The following RTN4IP1 variants were observed in gnomAD, a reference collection of about 807,000 sequenced individuals.
RTN4IP1 encodes reticulon 4 interacting protein 1.
Under a neutral mutation model 46.6 loss-of-function variants are expected in RTN4IP1, and 32 were observed. The observed-to-expected ratio is 0.69, with a 90% confidence interval of 0.52 to 0.92. The LOEUF (loss-of-function observed/expected upper bound fraction) is 0.92. Among genes scored for constraint, RTN4IP1 ranks in the 40% least tolerant of loss-of-function variants. The pLI is 0.00. For synonymous variants in RTN4IP1, 167 were observed against 161.8 expected (o/e 1.03, Z -0.24); for missense variants, 424 against 485.8 (o/e 0.87, Z 1.20).
intron 4 of RTN4IP1, among the ~76,000 whole-genome samples, chr6:106,617,510 C>T (rs1391773402): frequency 1.3e-5 from 2 of 152,092 alleles, no homozygotes; most frequent in Non-Finnish European, 2.9e-5. Flanking sequence ...ACAAAGAGAC[C>T]ATAAATATAT....
At chr6:106,614,534 A>C (rs949291446) in intron 4 of RTN4IP1, among the ~76,000 whole-genome samples, 1 of 152,184 alleles carries the variant, frequency 6.6e-6, no homozygotes, top group Non-Finnish European at 1.5e-5. Context: ...GGAAGAATAG[A>C]GTGGAATACT....
chr6:106,581,849 T>C (rs181624444), intron 8 of RTN4IP1, among the ~76,000 whole-genome samples: 124 of 152,328 alleles, frequency 8.1e-4, no homozygotes, highest in Middle Eastern at 6.8e-3. Flanking sequence ...GTGGACAGCC[T>C]GGAGCAGATA....
At position 106,626,833 on chromosome 6, in the gene RTN4IP1, T is replaced by A. The variant is rs949028174; in HGVS notation, c.274+1915A>T. On this transcript the variant is annotated intron_variant, in intron 1 of 8. Transcript: ENST00000369063. ...CTAAATCTGTCATCAGTTTAAAGACTTTAATCCCATCTAAAGACACCAAAC... is the reference window on the plus strand; with the variant it reads ...CTAAATCTGTCATCAGTTTAAAGACATTAATCCCATCTAAAGACACCAAAC... 5.9e-5 allele frequency among the ~76,000 whole-genome samples: 9 copies of A among 152,340 alleles called. No homozygotes were observed. In the East Asian group the frequency reaches 1.7e-3, roughly 29 times the overall value.
At chr6:106,606,415 G>T (rs1776075812) in intron 4 of RTN4IP1, among the ~76,000 whole-genome samples, 1 of 151,942 alleles carries the variant, frequency 6.6e-6, no homozygotes, top group South Asian at 2.1e-4. Flanking sequence ...GCAACACTCT[G>T]TCTCCAAAAA....
intron 1 of RTN4IP1, among the ~76,000 whole-genome samples, chr6:106,626,375 T>C (rs1776645864): frequency 6.6e-6 from 1 of 152,212 alleles, no homozygotes; most frequent in South Asian, 2.1e-4. Flanking sequence ...TCACTTGTAA[T>C]ATTCACAAAA....
At chr6:106,604,035 C>T (rs977797220) in intron 4 of RTN4IP1, among the ~76,000 whole-genome samples, 2 of 152,156 alleles carry the variant, frequency 1.3e-5, no homozygotes, top group African/African-American at 4.8e-5. Flanking sequence ...TTTAACATCA[C>T]CGTAAATTGA....
chr6:106,614,765 T>G (rs1438077717), intron 4 of RTN4IP1, among the ~76,000 whole-genome samples: 1 of 152,144 alleles, frequency 6.6e-6, no homozygotes, highest in East Asian at 1.9e-4. Flanking sequence ...CTTAAGTCAC[T>G]TAAGTTAGCT....
intron 1 of RTN4IP1, among the ~76,000 whole-genome samples, chr6:106,623,217 C>T (rs572873232): frequency 5.9e-5 from 9 of 152,256 alleles, no homozygotes; most frequent in African/African-American, 2.2e-4. Flanking sequence ...CCATGGAATA[C>T]TATGCAGCCA....
At chr6:106,621,172 A>C (rs1293437903) in intron 3 of RTN4IP1, among the ~76,000 whole-genome samples, 1 of 145,338 alleles carries the variant, frequency 6.9e-6, no homozygotes, top group African/African-American at 2.4e-5. Context: ...GGTAAAACCA[A>C]GCAACACAGC....
rs532989827 is a variant in RTN4IP1 at position 106,616,297 on chromosome 6, G to C, written c.620+2905C>G. The stretch of plus-strand genomic sequence containing the variant: ...ACATCAAGAATAAACTATTTCCTTG[G>C]TTCACTGATACTCAGCTGCTGCAGA... On this transcript the variant is annotated intron_variant, in intron 4 of 8. Coordinates refer to ENST00000369063, the MANE Select transcript of RTN4IP1 (RefSeq NM_032730.5). 5.3e-5 allele frequency among the ~76,000 whole-genome samples: 8 copies of C among 152,228 alleles called. No homozygotes were observed. In the South Asian group the frequency reaches 1.7e-3, roughly 32 times the overall value.
intron 7 of RTN4IP1, 80 bp downstream of exon 7, chr6:106,587,599 A>C: frequency 7.5e-7 from 1 of 1,341,164 alleles, no homozygotes; most frequent in Non-Finnish European, 1.0e-6. Flanking sequence ...CTCCAAGAGA[A>C]GAGAAACTGG....
intron 2 of RTN4IP1, among the ~76,000 whole-genome samples, chr6:106,621,866 GA>G (rs770788577): frequency 6.6e-6 from 1 of 152,126 alleles, no homozygotes; most frequent in East Asian, 1.9e-4. Flanking sequence ...AGAGGGATTA[GA>G]TGACTTATTT....
chr6:106,587,161 G>A (rs1775507224), intron 7 of RTN4IP1, among the ~76,000 whole-genome samples: 1 of 152,200 alleles, frequency 6.6e-6, no homozygotes. Context: ...GCCCCAGTCT[G>A]GGAATCACTG....
At chr6:106,594,738 T>C (rs765231269) in intron 5 of RTN4IP1, among the ~76,000 whole-genome samples, 1 of 152,170 alleles carries the variant, frequency 6.6e-6, no homozygotes, top group Non-Finnish European at 1.5e-5. Context: ...CTAGACACTA[T>C]AGTCTTGTGC....
At chr6:106,607,031 T>C (rs190802537) in intron 4 of RTN4IP1, among the ~76,000 whole-genome samples, 25 of 152,238 alleles carry the variant, frequency 1.6e-4, no homozygotes, top group Admixed American at 5.9e-4. Context: ...CAAAACAACA[T>C]GGTACTGGTA....
chr6:106,595,152 T>C (rs563188492), intron 5 of RTN4IP1, among the ~76,000 whole-genome samples: 7 of 152,290 alleles, frequency 4.6e-5, no homozygotes, highest in Admixed American at 3.3e-4. Flanking sequence ...TGCTTTCCTA[T>C]AATTTATCTA....
intron 6 of RTN4IP1, among the ~76,000 whole-genome samples, chr6:106,590,102 G>A (rs1775610448): frequency 6.6e-6 from 1 of 152,072 alleles, no homozygotes; most frequent in African/African-American, 2.4e-5. Flanking sequence ...CGGATCACCT[G>A]AGGCCAGGGG....
Position 106,622,843 on chromosome 6 carries a change from A to C in RTN4IP1, c.401T>G (p.Val134Gly). The part of the protein sequence containing the change: ...SGVVMECGLD[V>G]KYFKPGDEVW... ...CTCATCTCCAGGCTTGAAGTATTTC[A>C]CATCAAGCCCACATTCCATCACCAC... Residue 134 changes from valine (V) to glycine (G), a missense_variant, in exon 2 of 9, where the codon GTG (valine) becomes GGG (glycine). Transcript: ENST00000369063. 4.3e-6 allele frequency: 7 copies of C among 1,613,720 alleles called. No homozygotes were observed. Among genetic ancestry groups the C allele is most frequent in the Non-Finnish European group, 5.9e-6 (7 of 1,179,830 alleles).
intron 5 of RTN4IP1, among the ~76,000 whole-genome samples, chr6:106,594,083 T>G (rs1462493512): frequency 1.3e-5 from 2 of 152,182 alleles, no homozygotes; most frequent in South Asian, 2.1e-4. Context: ...AAATTTCTGG[T>G]TTTTCCCCTC....
Sources: allele counts gnomAD v4.1 joint callset (sites outside exome capture counted in the v4.1 genomes callset), GRCh38; gene constraint gnomAD v4.1.1; transcripts MANE v1.5; gene names NCBI Gene and HGNC (gene_info 2026-07-23, HGNC 2026-07-21).